The following SLCO1A2 variants were observed in gnomAD, a reference collection of about 807,000 sequenced individuals.
The protein encoded by SLCO1A2 is solute carrier organic anion transporter family member 1A2.
A neutral mutation model predicts 69.0 loss-of-function variants in SLCO1A2; 67 were observed. The ratio of observed to expected loss-of-function variants is 0.97; its 90% CI spans 0.80 to 1.19. The LOEUF is 1.19. SLCO1A2 is among the 50% of genes most tolerant of loss of function. The pLI is 0.00. For synonymous variants in SLCO1A2, 260 were observed against 265.9 expected, an observed-to-expected ratio of 0.98 and a Z score of 0.22; for missense variants, 787 against 793.7, an observed-to-expected ratio of 0.99 and a Z score of 0.10.
At chr12:21,299,947 CAT>C (rs545212623) in intron 8 of SLCO1A2, among the ~76,000 whole-genome samples, 402 of 143,350 alleles carry the variant, frequency 2.8e-3, no homozygotes, top group Admixed American at 3.8e-3. Context: ...TCCTCTCTCT[CAT>C]ATATATATGT....
At position 21,363,051 on chromosome 12, in the gene SLCO1A2, G is replaced by A. The variant is rs546427114; in HGVS notation, c.-63+11348C>T. Among the ~76,000 whole-genome samples the A allele has an allele frequency of 2.0e-5, 3 of 152,288 alleles. No homozygotes were observed. The South Asian group carries it at 6.2e-4, about 32-fold the overall frequency. On this transcript the variant is annotated intron_variant, in intron 2 of 15. Transcript: ENST00000307378. ...AGCTCTGCACCAAGCGGACCTAATA[G>A]ACATCTACAGAACTCTCCACCCCAA...
At chr12:21,318,317 C>T (rs770109832) in intron 3 of SLCO1A2, among the ~76,000 whole-genome samples, 36 of 152,186 alleles carry the variant, frequency 2.4e-4, no homozygotes, top group Non-Finnish European at 4.6e-4. Flanking sequence ...GACGGGGTTT[C>T]ACCATGTTAG....
chr12:21,353,388 A>C (rs1192488296), intron 2 of SLCO1A2, among the ~76,000 whole-genome samples: 1 of 152,082 alleles, frequency 6.6e-6, no homozygotes, highest in South Asian at 2.1e-4. Flanking sequence ...GTAATATTGC[A>C]TAGAGGGAAA....
intron 2 of SLCO1A2, among the ~76,000 whole-genome samples, chr12:21,324,220 A>G (rs1952008692): frequency 6.6e-6 from 1 of 152,332 alleles, no homozygotes; most frequent in Non-Finnish European, 1.5e-5. Flanking sequence ...TTCATGATTC[A>G]ATCTGCATTC....
chr12:21,391,404 T>C (rs1180872889), intron 1 of SLCO1A2, among the ~76,000 whole-genome samples: 3 of 152,100 alleles, frequency 2.0e-5, no homozygotes, highest in Non-Finnish European at 4.4e-5. Flanking sequence ...GCAAAATATA[T>C]ATATAAGCTG....
At chr12:21,318,055 G>A (rs964913857) in intron 3 of SLCO1A2, among the ~76,000 whole-genome samples, 5 of 151,440 alleles carry the variant, frequency 3.3e-5, no homozygotes, top group Non-Finnish European at 5.9e-5. Context: ...AAAAATATTT[G>A]CATTTTCATT....
intron 12 of SLCO1A2, among the ~76,000 whole-genome samples, chr12:21,282,068 T>C (rs1201178482): frequency 6.6e-6 from 1 of 151,400 alleles, no homozygotes; most frequent in African/African-American, 2.4e-5. Flanking sequence ...TCCAAACTCA[T>C]TCTATGAGGC....
chr12:21,391,339 T>C (rs961544006), intron 1 of SLCO1A2, among the ~76,000 whole-genome samples: 2 of 152,142 alleles, frequency 1.3e-5, no homozygotes, highest in African/African-American at 4.8e-5. Context: ...GCTGATGACA[T>C]GCCTCTGAAA....
chr12:21,412,296 G>A (rs572446451), intron 1 of SLCO1A2, among the ~76,000 whole-genome samples: 28 of 152,006 alleles, frequency 1.8e-4, no homozygotes, highest in African/African-American at 5.8e-4. Flanking sequence ...TGGGAGAATC[G>A]CTTGAACCTG....
chr12:21,359,078 AG>A (rs1938607258), intron 2 of SLCO1A2, among the ~76,000 whole-genome samples: 2 of 152,202 alleles, frequency 1.3e-5, no homozygotes, highest in Admixed American at 1.3e-4. Flanking sequence ...CTGCAAGTCT[AG>A]GGATTTTTAG....
chr12:21,312,657 T>A (rs560323083), intron 4 of SLCO1A2, among the ~76,000 whole-genome samples: 1 of 152,226 alleles, frequency 6.6e-6, no homozygotes, highest in East Asian at 1.9e-4. Context: ...GTTATTATAA[T>A]AATTGGCCTA....
intron 1 of SLCO1A2, among the ~76,000 whole-genome samples, chr12:21,390,501 A>C (rs188756905): frequency 2.6e-5 from 4 of 152,244 alleles, no homozygotes; most frequent in African/African-American, 9.6e-5. Flanking sequence ...TTGTCCTTCA[A>C]CTTCTCAATT....
At chr12:21,401,380 C>T (rs1479091819) in intron 1 of SLCO1A2, among the ~76,000 whole-genome samples, 1 of 150,836 alleles carries the variant, frequency 6.6e-6, no homozygotes, top group African/African-American at 2.4e-5. Context: ...AATAAAGTAC[C>T]CCAGAAAACT....
intron 2 of SLCO1A2, among the ~76,000 whole-genome samples, chr12:21,367,794 G>C (rs753228867): frequency 6.0e-5 from 9 of 150,482 alleles, no homozygotes; most frequent in Non-Finnish European, 1.3e-4. Context: ...ATCCAACATG[G>C]GATAATTTTA....
intron 1 of SLCO1A2, among the ~76,000 whole-genome samples, chr12:21,408,722 G>A (rs1326512133): frequency 1.0e-5 from 1 of 96,356 alleles, no homozygotes; most frequent in Non-Finnish European, 2.2e-5. Context: ...GCGTGTGTGT[G>A]TGTGTGTGTG....
chr12:21,340,620 CCTT>C (rs2136979495), intron 2 of SLCO1A2, among the ~76,000 whole-genome samples: 1 of 152,064 alleles, frequency 6.6e-6, no homozygotes, highest in South Asian at 2.1e-4. Context: ...CATGGAAAGT[CCTT>C]CTATTTGGAG....
At chr12:21,398,313 G>C (rs1941554178), upstream of SLCO1A2, among the ~76,000 whole-genome samples, 2 of 150,324 alleles carry the variant, frequency 1.3e-5, no homozygotes, top group Admixed American at 6.7e-5. Context: ...ACTCTCCCAA[G>C]ACTAAACAAG....
At position 21,297,784 on chromosome 12, in the gene SLCO1A2, G is replaced by C. The variant is rs565166153; in HGVS notation, c.911-216C>G. ...GATGTAGCTGACTGGGTAGGGATCA[G>C]AACACAACAGTTTTGCCCTCAATAA... On this transcript the variant is annotated intron_variant, in intron 8 of 14. Coordinates refer to ENST00000683939, the MANE Select transcript of SLCO1A2 (RefSeq NM_001386879.1). 2.0e-5 allele frequency among the ~76,000 whole-genome samples: 3 copies of C among 152,282 alleles called. No homozygotes were observed. In the South Asian group the frequency reaches 6.2e-4, roughly 32 times the overall value.
At chr12:21,385,188 C>G (rs1262205244) in intron 1 of SLCO1A2, among the ~76,000 whole-genome samples, 1 of 152,060 alleles carries the variant, frequency 6.6e-6, no homozygotes, top group Non-Finnish European at 1.5e-5. Context: ...TACGTGAAAG[C>G]TAGGAGGCTG....
Sources: gnomAD v4.1 joint callset for allele counts (sites outside exome capture counted in the v4.1 genomes callset) on GRCh38, gnomAD v4.1.1 for gene constraint, MANE v1.5 for transcripts, NCBI Gene and HGNC (gene_info 2026-07-23, HGNC 2026-07-21) for gene names.